The following SAMMSON variants were observed in gnomAD, a reference collection of about 807,000 sequenced individuals.
The protein encoded by SAMMSON is long intergenic non-protein coding RNA 1212.
At chr3:70,251,455 G>A (rs78179706) in intron 6 of SAMMSON, among the ~76,000 whole-genome samples, 182 of 152,148 alleles carry the variant, frequency 1.2e-3, no homozygotes, top group African/African-American at 4.2e-3. Context: ...ATAATAGTGG[G>A]TATATATTAG....
chr3:70,235,279 C>A (rs899530225), intron 4 of SAMMSON, among the ~76,000 whole-genome samples: 1 of 152,150 alleles, frequency 6.6e-6, no homozygotes, highest in Non-Finnish European at 1.5e-5. Context: ...CCTCTGGATG[C>A]ATTCTTAGGT....
At chr3:70,227,476 G>A (rs899488250) in intron 4 of SAMMSON, among the ~76,000 whole-genome samples, 1 of 152,180 alleles carries the variant, frequency 6.6e-6, no homozygotes, top group Non-Finnish European at 1.5e-5. Flanking sequence ...GCAATATGGA[G>A]GTCATTGGAG....
chr3:70,369,402 C>A lies in SAMMSON; in HGVS notation n.913+11078C>A, dbSNP rs530605568. On this transcript the variant is annotated intron_variant and non_coding_transcript_variant, in intron 9 of 9. Coordinates refer to ENST00000642114, the Ensembl canonical transcript of SAMMSON. ...TGACAGGAAAAAAATTTTTTAAATT[C>A]TCTCAAAATGCTTGTTGTTATTAAT... Among the ~76,000 whole-genome samples the A allele has an allele frequency of 6.6e-5, 10 of 151,744 alleles. No homozygotes were observed. The South Asian group carries it at 1.9e-3, about 28-fold the overall frequency.
At chr3:70,186,181 C>A (rs1305482213) in intron 4 of SAMMSON, among the ~76,000 whole-genome samples, 2 of 152,020 alleles carry the variant, frequency 1.3e-5, no homozygotes, top group East Asian at 3.9e-4. Context: ...ATTAAGTTTT[C>A]TTTACTTCAA....
At chr3:70,099,192 T>G (rs2067333754) in intron 4 of SAMMSON, among the ~76,000 whole-genome samples, 1 of 152,158 alleles carries the variant, frequency 6.6e-6, no homozygotes. Context: ...ACATGTATAT[T>G]TACACACAAA....
intron 7 of SAMMSON, among the ~76,000 whole-genome samples, chr3:70,314,432 T>C (rs906308103): frequency 1.3e-5 from 2 of 152,172 alleles, no homozygotes; most frequent in Non-Finnish European, 2.9e-5. Flanking sequence ...TAATCTAATT[T>C]CCTTAATAAT....
intron 4 of SAMMSON, among the ~76,000 whole-genome samples, chr3:70,076,435 T>A (rs949866372): frequency 3.9e-5 from 6 of 152,184 alleles, no homozygotes; most frequent in African/African-American, 1.4e-4. Flanking sequence ...GTTTGCTAAT[T>A]TTCATTTGCA....
Position 70,108,423 on chromosome 3 carries a change from C to CTTTTTTTTTTTTTT in SAMMSON, n.507+36863_507+36876dup, listed in dbSNP as rs61561713. The stretch of plus-strand genomic sequence containing the variant: ...TAGTGTTTCTCAACTCTTGCGGTTC[C>CTTTTTTTTTTTTTT]TTTTTTTTTTTTTTTTTTATCATAA... On this transcript the variant is annotated intron_variant and non_coding_transcript_variant, in intron 4 of 9. Coordinates refer to ENST00000642114, the Ensembl canonical transcript of SAMMSON. Among the ~76,000 whole-genome samples, 489 of 89,286 alleles carry CTTTTTTTTTTTTTT rather than the reference C, an allele frequency of 5.5e-3. 61 individuals are homozygous for CTTTTTTTTTTTTTT. The highest frequency in any genetic ancestry group is 0.016 in the Middle Eastern group (2 of 126). The allele number at this position is 89,286 out of a possible 152,430, so 58.6% of individuals were successfully genotyped here. A position where few individuals can be genotyped will look rare whatever the true frequency, so the allele number is the denominator to read the frequency against.
Position 70,259,497 on chromosome 3 carries a change from G to A in SAMMSON, n.674+9827G>A, listed in dbSNP as rs549395377. Among the ~76,000 whole-genome samples, 6 of 152,200 alleles carry A rather than the reference G, an allele frequency of 3.9e-5. No individual in the cohort carries two copies. In the South Asian group the frequency reaches 1.2e-3, roughly 32 times the overall value. ...AGCACGCAAGCACTTGAAGGGCAGGGAGTCTGTCTGCTCTATTCATGGCTG... is the reference window on the plus strand; with the variant it reads ...AGCACGCAAGCACTTGAAGGGCAGGAAGTCTGTCTGCTCTATTCATGGCTG... On this transcript the variant is annotated intron_variant and non_coding_transcript_variant, in intron 6 of 9. Coordinates refer to ENST00000642114, the Ensembl canonical transcript of SAMMSON.
chr3:70,311,147 A>G (rs969061211), intron 7 of SAMMSON, among the ~76,000 whole-genome samples: 4 of 152,202 alleles, frequency 2.6e-5, no homozygotes, highest in Non-Finnish European at 4.4e-5. Flanking sequence ...AAGAATGTCA[A>G]CTACTTAAGT....
intron 7 of SAMMSON, among the ~76,000 whole-genome samples, chr3:70,296,018 A>G (rs1252918606): frequency 6.6e-6 from 1 of 152,202 alleles, no homozygotes; most frequent in Non-Finnish European, 1.5e-5. Context: ...ACTGTGGCTA[A>G]CATGCATTAA....
chr3:70,147,340 CAA>C (rs1348371242), intron 4 of SAMMSON, among the ~76,000 whole-genome samples: 5 of 151,766 alleles, frequency 3.3e-5, no homozygotes, highest in Admixed American at 3.3e-4. Context: ...TATGAAAAGA[CAA>C]GAGATTTACA....
intron 3 of SAMMSON, among the ~76,000 whole-genome samples, chr3:70,044,099 G>A (rs2067115282): frequency 6.6e-6 from 1 of 152,046 alleles, no homozygotes; most frequent in Non-Finnish European, 1.5e-5. Flanking sequence ...CAAGGTGCCT[G>A]TGGGGTTTTT....
rs558232260 is a variant in SAMMSON at position 70,073,327 on chromosome 3, A to G, written n.507+1762A>G. Among the ~76,000 whole-genome samples the G allele has an allele frequency of 3.9e-5, 6 of 152,192 alleles. No individual in the cohort carries two copies. In the South Asian group the frequency reaches 1.0e-3, roughly 26 times the overall value. The stretch of plus-strand genomic sequence containing the variant: ...TAGAAGAGGACAACATGAAAAATGA[A>G]ATATTCAAGCCGTGGAGAAAAAGAA... On this transcript the variant is annotated intron_variant and non_coding_transcript_variant, in intron 4 of 9. Transcript: ENST00000642114.
At chr3:70,298,689 A>C (rs1522342) in intron 7 of SAMMSON, among the ~76,000 whole-genome samples, 2 of 151,892 alleles carry the variant, frequency 1.3e-5, no homozygotes, top group Non-Finnish European at 2.9e-5. Context: ...AGCTATATTG[A>C]CTTGCCCAAA....
intron 4 of SAMMSON, among the ~76,000 whole-genome samples, chr3:70,243,026 T>G (rs2106643072): frequency 6.6e-6 from 1 of 152,166 alleles, no homozygotes; most frequent in South Asian, 2.1e-4. Context: ...GTGACATGGG[T>G]TTTTAGCATA....
intron 4 of SAMMSON, among the ~76,000 whole-genome samples, chr3:70,227,212 A>T (rs1196597139): frequency 6.6e-6 from 1 of 152,200 alleles, no homozygotes; most frequent in African/African-American, 2.4e-5. Context: ...TTAGAAAGGA[A>T]ATAGACTGGA....
chr3:70,367,513 A>G (rs906604359), intron 9 of SAMMSON, among the ~76,000 whole-genome samples: 1 of 151,576 alleles, frequency 6.6e-6, no homozygotes, highest in Non-Finnish European at 1.5e-5. Context: ...CATTTAACCT[A>G]ATGTCCTCCA....
At chr3:70,339,441 G>T (rs1211334030) in intron 7 of SAMMSON, among the ~76,000 whole-genome samples, 3 of 152,132 alleles carry the variant, frequency 2.0e-5, no homozygotes, top group Admixed American at 1.3e-4. Context: ...CACAGCAAAA[G>T]AAACTACCAT....
Sources: allele counts gnomAD v4.1 joint callset (sites outside exome capture counted in the v4.1 genomes callset), GRCh38; gene constraint gnomAD v4.1.1; transcripts MANE v1.5; gene names NCBI Gene and HGNC (gene_info 2026-07-23, HGNC 2026-07-21).